SESTD1: variants seen among roughly 807,000 people sequenced by gnomAD.
The protein encoded by SESTD1 is SEC14 and spectrin domain containing 1.
Under a neutral mutation model 101.7 loss-of-function variants are expected in SESTD1, and 43 were observed. The observed-to-expected ratio is 0.42, with a 90% CI of 0.33 to 0.55. SESTD1 has a LOEUF of 0.55. Ranked by LOEUF, SESTD1 falls within the 20% of genes least tolerant of loss-of-function variation. The pLI is 0.07. For missense variants in SESTD1, 647 were observed against 815.1 expected, an observed-to-expected ratio of 0.79 and a Z score of 2.51; for synonymous variants, 283 against 286.8, an observed-to-expected ratio of 0.99 and a Z score of 0.13.
chr2:179,238,818 T>C (rs2047106728), intron 1 of SESTD1, among the ~76,000 whole-genome samples: 1 of 152,142 alleles, frequency 6.6e-6, no homozygotes, highest in Non-Finnish European at 1.5e-5. Context: ...TTGAGTCTAT[T>C]TTTTCTCTAT....
At position 179,264,578 on chromosome 2, in the gene SESTD1, G is replaced by A. The variant is rs2047533503; in HGVS notation, c.-105C>T. ...GGAACGCTAGCGAGGTGCGGGCGGA[G>A]GCGGAGGGCGCGGCGGGAGGAAGGC... On this transcript the variant is annotated 5_prime_UTR_variant, in exon 1 of 18. Transcript: ENST00000428443. 1 of 152,224 alleles carries A rather than the reference G, an allele frequency of 6.6e-6. No individual in the cohort carries two copies. Among genetic ancestry groups the A allele is most frequent in the African/African-American group, 2.4e-5 (1 of 41,156 alleles). The allele number at this position is 152,224 out of a possible 1,614,324, so 9.4% of individuals were successfully genotyped here.
At chr2:179,234,490 G>T (rs554727196) in intron 1 of SESTD1, among the ~76,000 whole-genome samples, 1 of 152,198 alleles carries the variant, frequency 6.6e-6, no homozygotes, top group South Asian at 2.1e-4. Context: ...TATAAGAAAA[G>T]GCTCAGGCCG....
intron 1 of SESTD1, among the ~76,000 whole-genome samples, chr2:179,257,207 G>A (rs772589907): frequency 4.0e-5 from 6 of 151,526 alleles, no homozygotes; most frequent in Non-Finnish European, 8.8e-5. Flanking sequence ...CTGGTTCAGG[G>A]GGCTGCCCTT....
At chr2:179,129,970 T>A (rs2044972019) in intron 10 of SESTD1, among the ~76,000 whole-genome samples, 1 of 152,142 alleles carries the variant, frequency 6.6e-6, no homozygotes, top group Non-Finnish European at 1.5e-5. Flanking sequence ...TACACTCCCA[T>A]CCATTCAATC....
At position 179,106,642 on chromosome 2, in the gene SESTD1, GAGCA is replaced by G. The variant is rs1473999833; in HGVS notation, c.*3253_*3256del. ...CATGTTAAGACTAGCTAACACATGGGAGCAATAGCCAATGTAAATTTGTATAAAG... is the reference window on the plus strand; with the variant it reads ...CATGTTAAGACTAGCTAACACATGGGATAGCCAATGTAAATTTGTATAAAG... On this transcript the variant is annotated 3_prime_UTR_variant, in exon 18 of 18. Transcript: ENST00000428443. The G allele has an allele frequency of 6.6e-6, 1 of 152,090 alleles. No individual in the cohort carries two copies. Among genetic ancestry groups the G allele is most frequent in the Admixed American group, 6.6e-5 (1 of 15,252 alleles). The allele number at this position is 152,090 out of a possible 1,614,324, so 9.4% of individuals were successfully genotyped here. A position where few individuals can be genotyped will look rare whatever the true frequency, so the allele number is the denominator to read the frequency against.
chr2:179,219,729 T>G (rs959140455), intron 1 of SESTD1, among the ~76,000 whole-genome samples: 3 of 152,228 alleles, frequency 2.0e-5, no homozygotes, highest in African/African-American at 7.2e-5. Context: ...TGTGTGTTAT[T>G]GCAGGTGCCA....
intron 1 of SESTD1, among the ~76,000 whole-genome samples, chr2:179,198,408 C>T (rs1048575102): frequency 1.3e-5 from 2 of 152,198 alleles, no homozygotes; most frequent in East Asian, 1.9e-4. Flanking sequence ...ACACAGAAAG[C>T]CAACAAGGAT....
At chr2:179,244,405 G>A (rs2047200422) in intron 1 of SESTD1, among the ~76,000 whole-genome samples, 1 of 149,820 alleles carries the variant, frequency 6.7e-6, no homozygotes, top group South Asian at 2.1e-4. Flanking sequence ...GCTGCAGTGA[G>A]CCGAGATCAC....
rs1179929231 is a variant in SESTD1, at chr2:179,203,438, G to T, written c.-25-11572C>A. Among the ~76,000 whole-genome samples, 2 of 132,020 alleles carry T rather than the reference G, an allele frequency of 1.5e-5. 1 individual carries two copies. The highest frequency in any genetic ancestry group is 3.2e-5 in the Non-Finnish European group (2 of 61,932). 86.6% of individuals were successfully genotyped at this position (132,020 alleles called of 152,430 possible). A position where few individuals can be genotyped will look rare whatever the true frequency, so the allele number is the denominator to read the frequency against. On this transcript the variant is annotated intron_variant, in intron 1 of 17. Coordinates refer to ENST00000428443, the MANE Select transcript of SESTD1 (RefSeq NM_178123.5). ...ACCCCACTCTATTTTTTAAAAAAGG[G>T]GAGGGGAACAGTTCAGAGAGCTTCC...
chr2:179,111,755 T>G (rs2044513325), intron 17 of SESTD1, among the ~76,000 whole-genome samples: 1 of 150,186 alleles, frequency 6.7e-6, no homozygotes, highest in Non-Finnish European at 1.5e-5. Context: ...AGTCTTGCTC[T>G]GTCACCCAGG....
rs1450395079 is a variant in SESTD1 at position 179,109,139 on chromosome 2, AACATGCTTATTTATTATATAC to A, written c.*739_*759del. 1.3e-5 allele frequency: 2 copies of A among 152,526 alleles called. No individual in the cohort carries two copies. The highest frequency in any genetic ancestry group is 2.1e-4 in the South Asian group (1 of 4,822). 9.4% of individuals were successfully genotyped at this position (152,526 alleles called of 1,614,324 possible). On this transcript the variant is annotated 3_prime_UTR_variant, in exon 18 of 18. Coordinates refer to ENST00000428443, the MANE Select transcript of SESTD1 (RefSeq NM_178123.5). ...TGTTCACAATAATTTTTCATGATAAAACATGCTTATTTATTATATACACATGCTTACATATGTATTTCCTGT... is the reference window on the plus strand; with the variant it reads ...TGTTCACAATAATTTTTCATGATAAAACATGCTTACATATGTATTTCCTGT...
At chr2:179,259,586 C>G (rs1234780113) in intron 1 of SESTD1, among the ~76,000 whole-genome samples, 1 of 152,110 alleles carries the variant, frequency 6.6e-6, no homozygotes, top group African/African-American at 2.4e-5. Context: ...ACTTAGGCGA[C>G]TCATCCACAG....
chr2:179,179,350 A>G (rs1023276722), intron 3 of SESTD1, among the ~76,000 whole-genome samples: 6 of 152,166 alleles, frequency 3.9e-5, no homozygotes, highest in African/African-American at 9.7e-5. Context: ...AGTCCAGTTG[A>G]GCCTTTCAAG....
At chr2:179,167,887 C>G (rs1337018081) in intron 5 of SESTD1, among the ~76,000 whole-genome samples, 1 of 152,108 alleles carries the variant, frequency 6.6e-6, no homozygotes, top group Non-Finnish European at 1.5e-5. Context: ...CTCAGCCTCC[C>G]GAGTAGCTGG....
In SESTD1 at chr2:179,183,142, G is replaced by A; in HGVS notation, c.102C>T (p.Cys34=). The change falls in exon 3 of 18, where the codon TGC becomes TGT. Residue 34 remains cysteine, a synonymous_variant. Coordinates refer to ENST00000428443, the MANE Select transcript of SESTD1 (RefSeq NM_178123.5). ...RSGLILTIPL[C]LEQTNMDELS... is the part of the protein sequence containing the mutation. ...GCTCATCCATATTTGTCTGTTCGAG[G>A]CATAATGGAATTGTCAAAATGAGGC... is the stretch of plus-strand genomic sequence containing the variant. 6.2e-7 allele frequency: 1 copy of A among 1,611,626 alleles called. No homozygotes were observed. Among genetic ancestry groups the A allele is most frequent in the East Asian group, 2.2e-5 (1 of 44,672 alleles).
rs983702244 is a variant in SESTD1, at chr2:179,203,904, A to C, written c.-25-12038T>G. On this transcript the variant is annotated intron_variant, in intron 1 of 17. Transcript: ENST00000428443. ...CAACATAGCAAGATCCCTGTCTATA[A>C]AAAATAAAAAGAAACAAATAAATAA... is the stretch of plus-strand genomic sequence containing the variant. 1.5e-5 allele frequency among the ~76,000 whole-genome samples: 2 copies of C among 134,230 alleles called. 1 individual carries two copies. Among genetic ancestry groups the C allele is most frequent in the African/African-American group, 5.9e-5 (2 of 33,736 alleles). The allele number at this position is 134,230 out of a possible 152,430, so 88.1% of individuals were successfully genotyped here. A position where few individuals can be genotyped will look rare whatever the true frequency, so the allele number is the denominator to read the frequency against.
At chr2:179,197,484 A>G (rs1388604812) in intron 1 of SESTD1, among the ~76,000 whole-genome samples, 2 of 152,304 alleles carry the variant, frequency 1.3e-5, no homozygotes, top group East Asian at 1.9e-4. Flanking sequence ...CTTCGAGAAG[A>G]GCAACCCCAA....
chr2:179,130,686 C>T (rs1391602195), intron 10 of SESTD1, among the ~76,000 whole-genome samples: 1 of 151,926 alleles, frequency 6.6e-6, no homozygotes, highest in Non-Finnish European at 1.5e-5. Context: ...ATGTGTCCTT[C>T]CTAAAAAGAA....
At chr2:179,164,494 C>T (rs924684383) in intron 5 of SESTD1, among the ~76,000 whole-genome samples, 2 of 152,088 alleles carry the variant, frequency 1.3e-5, no homozygotes, top group African/African-American at 4.8e-5. Flanking sequence ...TGTCATTAGA[C>T]AGAATATAGA....
Sources: gnomAD v4.1 joint callset for allele counts (sites outside exome capture counted in the v4.1 genomes callset) on GRCh38, gnomAD v4.1.1 for gene constraint, MANE v1.5 for transcripts, NCBI Gene and HGNC (gene_info 2026-07-23, HGNC 2026-07-21) for gene names.